LRRC4C: variants seen among roughly 807,000 people sequenced by gnomAD.
LRRC4C encodes leucine-rich repeat-containing protein 4C.
LRRC4C carries 5 observed loss-of-function variants against 33.6 expected under a neutral mutation model. That is an observed-to-expected ratio of 0.15 (90% confidence interval 0.08 to 0.31). The LOEUF (loss-of-function observed/expected upper bound fraction) is 0.31, where lower values mean the gene tolerates loss of function less well. Ranked by LOEUF, LRRC4C falls within the 10% of genes least tolerant of loss-of-function variation. LRRC4C has a pLI of 1.00. For synonymous variants in LRRC4C, 329 were observed against 302.0 expected (o/e 1.09, Z -0.93); for missense variants, 560 against 796.7 (o/e 0.70, Z 3.58).
At chr11:40,858,005 G>A (rs1247429559) in intron 2 of LRRC4C, among the ~76,000 whole-genome samples, 89 of 88,348 alleles carry the variant, frequency 1.0e-3, no homozygotes, top group African/African-American at 2.9e-3. Flanking sequence ...GACAGGGACA[G>A]GGACAAGGAA....
intron 1 of LRRC4C, among the ~76,000 whole-genome samples, chr11:41,371,837 A>G (rs1480715780): frequency 6.6e-6 from 1 of 152,178 alleles, no homozygotes; most frequent in Non-Finnish European, 1.5e-5. Context: ...CTTCCTCCAA[A>G]ACAGAGATAG....
At chr11:40,724,075 T>C (rs1346592660) in intron 2 of LRRC4C, among the ~76,000 whole-genome samples, 2 of 151,686 alleles carry the variant, frequency 1.3e-5, no homozygotes, top group African/African-American at 2.4e-5. Flanking sequence ...ATCCTAAATA[T>C]ATACACAACC....
At chr11:41,357,171 A>T (rs1952192676) in intron 1 of LRRC4C, among the ~76,000 whole-genome samples, 1 of 152,154 alleles carries the variant, frequency 6.6e-6, no homozygotes, top group Non-Finnish European at 1.5e-5. Flanking sequence ...ACTATGCAGT[A>T]GCACTACATT....
intron 1 of LRRC4C, among the ~76,000 whole-genome samples, chr11:41,090,764 G>A (rs1940355371): frequency 6.6e-6 from 1 of 152,058 alleles, no homozygotes; most frequent in Non-Finnish European, 1.5e-5. Flanking sequence ...CAAAAGATCT[G>A]AGGGTTTTAT....
intron 3 of LRRC4C, among the ~76,000 whole-genome samples, chr11:40,384,139 T>A (rs1421342321): frequency 6.6e-6 from 1 of 151,886 alleles, no homozygotes; most frequent in Non-Finnish European, 1.5e-5. Flanking sequence ...TTGTTGCATG[T>A]TTTTTGGTGC....
At chr11:40,833,271 A>G (rs922450484) in intron 2 of LRRC4C, among the ~76,000 whole-genome samples, 4 of 152,188 alleles carry the variant, frequency 2.6e-5, no homozygotes, top group African/African-American at 9.6e-5. Flanking sequence ...AATTGCTTAT[A>G]CAGATAAGGA....
intron 2 of LRRC4C, among the ~76,000 whole-genome samples, chr11:40,672,365 TGGGA>T (rs1204959587): frequency 2.0e-5 from 3 of 152,168 alleles, no homozygotes; most frequent in African/African-American, 7.2e-5. Flanking sequence ...ACCATCATCT[TGGGA>T]GTTAGAATTT....
intron 1 of LRRC4C, among the ~76,000 whole-genome samples, chr11:40,971,956 T>G (rs1261498805): frequency 2.0e-5 from 3 of 152,164 alleles, no homozygotes; most frequent in Admixed American, 6.5e-5. Flanking sequence ...ATTTTTGGAA[T>G]GGGAGTATTT....
At chr11:40,636,091 G>A (rs896934641) in intron 3 of LRRC4C, among the ~76,000 whole-genome samples, 1 of 152,140 alleles carries the variant, frequency 6.6e-6, no homozygotes, top group African/African-American at 2.4e-5. Context: ...GAGCCTCTCG[G>A]ACATTGGGAC....
intron 2 of LRRC4C, among the ~76,000 whole-genome samples, chr11:40,793,848 C>A (rs1337379724): frequency 6.6e-6 from 1 of 152,124 alleles, no homozygotes; most frequent in African/African-American, 2.4e-5. Context: ...ATCATGGACA[C>A]AAACAATTCT....
At chr11:40,790,516 T>C (rs960823855) in intron 2 of LRRC4C, among the ~76,000 whole-genome samples, 2 of 152,168 alleles carry the variant, frequency 1.3e-5, no homozygotes, top group African/African-American at 4.8e-5. Flanking sequence ...GTGGCATAAA[T>C]TCTCTCCAAG....
intron 3 of LRRC4C, among the ~76,000 whole-genome samples, chr11:40,377,112 G>C: frequency 6.6e-6 from 1 of 152,094 alleles, no homozygotes; most frequent in Admixed American, 6.6e-5. Flanking sequence ...ACACAAGAAT[G>C]AGAAATAAAA....
intron 1 of LRRC4C, among the ~76,000 whole-genome samples, chr11:41,277,454 A>G (rs952857942): frequency 2.0e-5 from 3 of 152,220 alleles, no homozygotes; most frequent in Non-Finnish European, 4.4e-5. Flanking sequence ...GAACTATTGG[A>G]AAATGTATTT....
intron 1 of LRRC4C, among the ~76,000 whole-genome samples, chr11:41,073,664 G>A (rs1938887711): frequency 6.6e-6 from 1 of 152,176 alleles, no homozygotes; most frequent in Admixed American, 6.5e-5. Flanking sequence ...CAATATATAT[G>A]TGCAAGATGA....
At chr11:41,065,027 C>T (rs538450685) in intron 1 of LRRC4C, among the ~76,000 whole-genome samples, 158 of 152,196 alleles carry the variant, frequency 1.0e-3, no homozygotes, top group Non-Finnish European at 1.6e-3. Flanking sequence ...CACACTACAG[C>T]GGCGCCTGGT....
chr11:40,552,046 A>T (rs550005090), intron 3 of LRRC4C, among the ~76,000 whole-genome samples: 1 of 152,326 alleles, frequency 6.6e-6, no homozygotes, highest in Admixed American at 6.5e-5. Context: ...CTATCAGCAG[A>T]CTGCCTTTTG....
intron 1 of LRRC4C, among the ~76,000 whole-genome samples, chr11:41,304,904 C>T (rs1209269746): frequency 2.0e-5 from 1 of 50,318 alleles, no homozygotes; most frequent in East Asian, 7.6e-4. Flanking sequence ...CCGCCCCATC[C>T]GGGAGGGAGG....
intron 3 of LRRC4C, among the ~76,000 whole-genome samples, chr11:40,515,117 A>T (rs1414167073): frequency 6.6e-6 from 1 of 152,138 alleles, no homozygotes; most frequent in South Asian, 2.1e-4. Flanking sequence ...ACTTTCATCT[A>T]TATGTGCTAC....
At chr11:41,317,318 G>T (rs1319032717) in intron 1 of LRRC4C, among the ~76,000 whole-genome samples, 1 of 151,912 alleles carries the variant, frequency 6.6e-6, no homozygotes, top group African/African-American at 2.4e-5. Context: ...AAATTAAAAT[G>T]AGATTATGCA....
Sources: gnomAD v4.1 joint callset for allele counts (sites outside exome capture counted in the v4.1 genomes callset) on GRCh38, gnomAD v4.1.1 for gene constraint, MANE v1.5 for transcripts, NCBI Gene and HGNC (gene_info 2026-07-23, HGNC 2026-07-21) for gene names.